The following DENND5B variants were observed in gnomAD, a reference collection of about 807,000 sequenced individuals.
DENND5B encodes the protein DENN domain-containing protein 5B.
In DENND5B, 34 loss-of-function variants were observed where a neutral mutation model predicts 140.6. That is an observed-to-expected ratio of 0.24 (90% confidence interval 0.18 to 0.32). The LOEUF is 0.32. Among genes scored for constraint, DENND5B ranks in the 10% least tolerant of loss-of-function variants. The pLI is 1.00. For synonymous variants in DENND5B, 551 were observed against 562.1 expected (o/e 0.98, Z 0.28); for missense variants, 1,142 against 1,560.2 (o/e 0.73, Z 4.52).
At chr12:31,531,029 G>A (rs1438185657) in intron 1 of DENND5B, among the ~76,000 whole-genome samples, 1 of 152,152 alleles carries the variant, frequency 6.6e-6, no homozygotes, top group Non-Finnish European at 1.5e-5. Flanking sequence ...TTTCAACACA[G>A]TTCATTATGC....
rs576838737 is a variant in DENND5B at position 31,425,625 on chromosome 12, G to C, written c.2238+668C>G. On this transcript the variant is annotated intron_variant, in intron 9 of 20. Coordinates refer to ENST00000389082, the MANE Select transcript of DENND5B (RefSeq NM_144973.4). ...TGTAAGTTAATTTGCATCAGTCTTA[G>C]TAGCTTTTATAAAATGTAAAATGAG... 1.2e-4 allele frequency among the ~76,000 whole-genome samples: 18 copies of C among 152,324 alleles called. No homozygotes were observed. In the South Asian group the frequency reaches 3.3e-3, roughly 28 times the overall value.
intron 1 of DENND5B, among the ~76,000 whole-genome samples, chr12:31,510,768 G>A (rs551577739): frequency 6.6e-6 from 1 of 152,014 alleles, no homozygotes; most frequent in Non-Finnish European, 1.5e-5. Flanking sequence ...CCTATTTTAG[G>A]GTCAGCTAAT....
intron 1 of DENND5B, among the ~76,000 whole-genome samples, chr12:31,544,606 T>G (rs1373113408): frequency 6.6e-6 from 1 of 151,966 alleles, no homozygotes; most frequent in Non-Finnish European, 1.5e-5. Flanking sequence ...AATCTATGAA[T>G]ATGAATAGAG....
In DENND5B at chr12:31,591,018, C is replaced by G. The variant is rs1433619148; in HGVS notation, c.-186G>C. On this transcript the variant is annotated 5_prime_UTR_variant, in exon 1 of 21. Coordinates refer to ENST00000389082, the MANE Select transcript of DENND5B (RefSeq NM_144973.4). ...TCGCTCGGCGCGGGGGAAGCGGCCGCGGGCTCGCGCGCGGCGGGTCCGGAG... is the reference window on the plus strand; with the variant it reads ...TCGCTCGGCGCGGGGGAAGCGGCCGGGGGCTCGCGCGCGGCGGGTCCGGAG... 1.3e-5 allele frequency: 7 copies of G among 552,074 alleles called. No homozygotes were observed. Among genetic ancestry groups the G allele is most frequent in the Non-Finnish European group, 1.6e-5 (7 of 432,864 alleles). The allele number at this position is 552,074 out of a possible 1,614,324, so 34.2% of individuals were successfully genotyped here.
intron 1 of DENND5B, among the ~76,000 whole-genome samples, chr12:31,540,029 T>A (rs183924603): frequency 7.9e-5 from 12 of 152,232 alleles, no homozygotes; most frequent in Admixed American, 3.9e-4. Flanking sequence ...TCAGTAAAGC[T>A]GCAGGATACA....
At chr12:31,478,672 G>T (rs1306535989) in intron 3 of DENND5B, among the ~76,000 whole-genome samples, 2 of 150,974 alleles carry the variant, frequency 1.3e-5, no homozygotes, top group East Asian at 3.9e-4. Context: ...CTGCACTCCA[G>T]CCTGGGTGAC....
chr12:31,502,418 T>C (rs1298113718), intron 1 of DENND5B, among the ~76,000 whole-genome samples: 2 of 152,342 alleles, frequency 1.3e-5, no homozygotes, highest in South Asian at 2.1e-4. Context: ...ATTTGCTTTA[T>C]ACTGATATCC....
At chr12:31,427,072 G>A (rs182425658) in intron 8 of DENND5B, among the ~76,000 whole-genome samples, 52 of 152,284 alleles carry the variant, frequency 3.4e-4, no homozygotes, top group Admixed American at 3.9e-4. Flanking sequence ...AGCACGATGT[G>A]CTCCAAGTGA....
At chr12:31,394,892 G>A (rs1295784638) in intron 17 of DENND5B, among the ~76,000 whole-genome samples, 3 of 152,038 alleles carry the variant, frequency 2.0e-5, no homozygotes, top group African/African-American at 4.8e-5. Flanking sequence ...TATTACAGGC[G>A]TGAGCCACCG....
intron 11 of DENND5B, 28 bp from the exon 12 acceptor site, chr12:31,415,476 T>C: frequency 6.6e-7 from 1 of 1,519,608 alleles, no homozygotes; most frequent in Non-Finnish European, 9.0e-7. Context: ...AACAAAATAT[T>C]AGAAAAGTAA....
chr12:31,540,158 A>T (rs1948637359), intron 1 of DENND5B, among the ~76,000 whole-genome samples: 1 of 152,196 alleles, frequency 6.6e-6, no homozygotes, highest in Non-Finnish European at 1.5e-5. Context: ...CTAGGAACTA[A>T]CCAAATAAGT....
intron 1 of DENND5B, among the ~76,000 whole-genome samples, chr12:31,544,025 A>C (rs1317709520): frequency 6.6e-6 from 1 of 152,130 alleles, no homozygotes; most frequent in East Asian, 1.9e-4. Context: ...CTAGTCAGGC[A>C]TGGTGGCACA....
chr12:31,435,931 G>A (rs1943732899), intron 7 of DENND5B, among the ~76,000 whole-genome samples: 1 of 152,056 alleles, frequency 6.6e-6, no homozygotes, highest in Non-Finnish European at 1.5e-5. Flanking sequence ...CAAGTAGGTG[G>A]GATTACAGGT....
chr12:31,451,752 T>C (rs1197250491), intron 5 of DENND5B, 188 bp downstream of exon 5: 2 of 619,352 alleles, frequency 3.2e-6, no homozygotes, highest in Non-Finnish European at 5.4e-6. Flanking sequence ...TTTTATCTAA[T>C]GTAAAAATAC....
At chr12:31,525,594 T>A (rs549177108) in intron 1 of DENND5B, among the ~76,000 whole-genome samples, 1 of 152,228 alleles carries the variant, frequency 6.6e-6, no homozygotes, top group Non-Finnish European at 1.5e-5. Flanking sequence ...TATTGTGGAA[T>A]GGTTGCACAA....
chr12:31,582,517 T>C (rs1255955071), intron 1 of DENND5B, among the ~76,000 whole-genome samples: 1 of 152,222 alleles, frequency 6.6e-6, no homozygotes, highest in Non-Finnish European at 1.5e-5. Context: ...TTTAAAAAGT[T>C]AAAAGTGGTA....
chr12:31,467,280 T>A (rs1414406565), intron 3 of DENND5B, among the ~76,000 whole-genome samples: 1 of 152,130 alleles, frequency 6.6e-6, no homozygotes, highest in African/African-American at 2.4e-5. Flanking sequence ...GGAAGAAGAC[T>A]GATCTCAAAA....
intron 3 of DENND5B, among the ~76,000 whole-genome samples, chr12:31,478,551 A>T (rs1945925885): frequency 1.3e-5 from 2 of 152,084 alleles, no homozygotes; most frequent in Non-Finnish European, 2.9e-5. Context: ...AAAAATAAAA[A>T]ATTAGCTGAT....
chr12:31,418,343 A>G (rs1277527971), intron 11 of DENND5B, among the ~76,000 whole-genome samples: 1 of 140,044 alleles, frequency 7.1e-6, no homozygotes, highest in Non-Finnish European at 1.5e-5. Context: ...GTGCAGTGGC[A>G]TGATCTCGGC....
Sources: allele counts gnomAD v4.1 joint callset (sites outside exome capture counted in the v4.1 genomes callset), GRCh38; gene constraint gnomAD v4.1.1; transcripts MANE v1.5; gene names NCBI Gene and HGNC (gene_info 2026-07-23, HGNC 2026-07-21).